PRKCE: variants seen among roughly 807,000 people sequenced by gnomAD.
PRKCE encodes protein kinase C epsilon.
PRKCE carries 16 observed loss-of-function variants against 85.4 expected under a neutral mutation model. The ratio of observed to expected loss-of-function variants is 0.19; its 90% CI spans 0.13 to 0.28. PRKCE has a LOEUF of 0.28. Among genes scored for constraint, PRKCE ranks in the 10% least tolerant of loss-of-function variants. PRKCE has a pLI of 1.00. For synonymous variants in PRKCE, 388 were observed against 371.5 expected (o/e 1.04, Z -0.51); for missense variants, 573 against 975.2 (o/e 0.59, Z 5.49).
chr2:46,034,983 G>A (rs1394774193), intron 10 of PRKCE, among the ~76,000 whole-genome samples: 1 of 152,166 alleles, frequency 6.6e-6, no homozygotes, highest in African/African-American at 2.4e-5. Flanking sequence ...TTCTGGGAAG[G>A]GGCTACAAAT....
At chr2:46,024,382 A>G (rs1190574051) in intron 10 of PRKCE, among the ~76,000 whole-genome samples, 1 of 146,412 alleles carries the variant, frequency 6.8e-6, no homozygotes, top group East Asian at 2.0e-4. Context: ...TTTTGTTTTT[A>G]CCATGACGTT....
intron 10 of PRKCE, among the ~76,000 whole-genome samples, chr2:46,019,947 T>C (rs1320326832): frequency 2.1e-5 from 3 of 146,234 alleles, no homozygotes; most frequent in Non-Finnish European, 1.5e-5. Flanking sequence ...CCTCCCAGGC[T>C]CAAGCAATTC....
chr2:45,930,132 G>T (rs1415748999), intron 2 of PRKCE, among the ~76,000 whole-genome samples: 1 of 152,216 alleles, frequency 6.6e-6, no homozygotes, highest in Non-Finnish European at 1.5e-5. Context: ...CCTCCATCCA[G>T]CTCAGTCACC....
In PRKCE at chr2:45,907,995, C is replaced by T. The variant is rs772877429; in HGVS notation, c.412+64932C>T. ...TTTCAAATCTCTGAAGTGGGGAGGG[C>T]GATTATCACCCCATTTTTGAGACGG... On this transcript the variant is annotated intron_variant, in intron 2 of 14. Coordinates refer to ENST00000306156, the MANE Select transcript of PRKCE (RefSeq NM_005400.3). The surrounding 1 kb of genome is among the most constrained non-coding windows in gnomAD (Gnocchi z 4.5). Among the ~76,000 whole-genome samples, 7 of 152,060 alleles carry T rather than the reference C, an allele frequency of 4.6e-5. No individual in the cohort carries two copies. The highest frequency in any genetic ancestry group is 8.8e-5 in the Non-Finnish European group (6 of 68,010).
In PRKCE at chr2:45,900,180, G is replaced by A. The variant is rs562214577; in HGVS notation, c.412+57117G>A. ...TGTTTGTTGCTAGTGCACATGTAAT[G>A]TGGTGCAGCCCCTGTGGAAAACGGC... On this transcript the variant is annotated intron_variant, in intron 2 of 14. Coordinates refer to ENST00000306156, the MANE Select transcript of PRKCE (RefSeq NM_005400.3). Among the ~76,000 whole-genome samples the A allele has an allele frequency of 4.6e-5, 7 of 152,330 alleles. No homozygotes were observed. The East Asian group carries it at 9.6e-4, about 21-fold the overall frequency.
At chr2:45,812,937 AG>A (rs1393311456) in intron 1 of PRKCE, among the ~76,000 whole-genome samples, 1 of 152,230 alleles carries the variant, frequency 6.6e-6, no homozygotes, top group Non-Finnish European at 1.5e-5. Context: ...AATTTTTTAA[AG>A]CTTTGACAGG....
At chr2:46,141,317 A>G (rs1464732489) in intron 11 of PRKCE, among the ~76,000 whole-genome samples, 1 of 152,254 alleles carries the variant, frequency 6.6e-6, no homozygotes, top group African/African-American at 2.4e-5. Context: ...CAAGACAGAA[A>G]GAGCTTCAAT....
intron 2 of PRKCE, among the ~76,000 whole-genome samples, chr2:45,867,454 C>G (rs1204027524): frequency 6.6e-6 from 1 of 152,184 alleles, no homozygotes; most frequent in South Asian, 2.1e-4. Flanking sequence ...ATGTTGGAGC[C>G]TCCTTCCCTG....
intron 1 of PRKCE, among the ~76,000 whole-genome samples, chr2:45,738,229 G>T (rs960353939): frequency 6.6e-6 from 1 of 152,020 alleles, no homozygotes; most frequent in Admixed American, 6.6e-5. Flanking sequence ...TATTTTTCAG[G>T]GTTTTCTCTT....
intron 2 of PRKCE, among the ~76,000 whole-genome samples, chr2:45,850,796 A>T (rs1028821180): frequency 3.3e-5 from 5 of 152,174 alleles, no homozygotes; most frequent in African/African-American, 1.2e-4. Context: ...GCCCAAGTGC[A>T]CACAGGTGAG....
intron 2 of PRKCE, among the ~76,000 whole-genome samples, chr2:45,896,257 G>A (rs911730616): frequency 6.6e-6 from 1 of 152,204 alleles, no homozygotes; most frequent in Non-Finnish European, 1.5e-5. Context: ...TAGAGGTTGG[G>A]TTCTTGCTAT....
intron 10 of PRKCE, among the ~76,000 whole-genome samples, chr2:46,025,432 C>T (rs547898239): frequency 6.6e-6 from 1 of 152,286 alleles, no homozygotes; most frequent in South Asian, 2.1e-4. Flanking sequence ...AAGACACAAT[C>T]CTTGTTCAAA....
intron 9 of PRKCE, among the ~76,000 whole-genome samples, chr2:46,009,264 C>T (rs988198091): frequency 1.1e-4 from 17 of 151,964 alleles, no homozygotes; most frequent in African/African-American, 4.1e-4. Flanking sequence ...AATAAAATAA[C>T]AGAAAATTAT....
intron 1 of PRKCE, among the ~76,000 whole-genome samples, chr2:45,782,688 C>T (rs1686284495): frequency 6.6e-6 from 1 of 152,080 alleles, no homozygotes; most frequent in East Asian, 1.9e-4. Context: ...TTCTTCCTCA[C>T]CAGCTAGAAA....
At chr2:45,695,342 G>A (rs1490438157) in intron 1 of PRKCE, among the ~76,000 whole-genome samples, 1 of 152,204 alleles carries the variant, frequency 6.6e-6, no homozygotes, top group Non-Finnish European at 1.5e-5. Flanking sequence ...TGGAGGTAGA[G>A]AGGTCAACTT....
At chr2:45,712,079 C>T (rs965627450) in intron 1 of PRKCE, among the ~76,000 whole-genome samples, 1 of 148,562 alleles carries the variant, frequency 6.7e-6, no homozygotes, top group Non-Finnish European at 1.5e-5. Flanking sequence ...TCCACACTGT[C>T]TGTGTGCCCT....
intron 1 of PRKCE, among the ~76,000 whole-genome samples, chr2:45,731,829 G>T (rs1252484489): frequency 6.6e-6 from 1 of 151,966 alleles, no homozygotes; most frequent in Admixed American, 6.6e-5. Context: ...TGTTACCCAG[G>T]CTGGTCTTGA....
At chr2:45,958,806 ATATATATATATTTTTTTTTTTTTT>A (rs1482674917) in intron 2 of PRKCE, among the ~76,000 whole-genome samples, 1 of 22,504 alleles carries the variant, frequency 4.4e-5, no homozygotes, top group Non-Finnish European at 7.6e-5. Flanking sequence ...ATATATATAT[ATATATATATATTTTTTTTTTTTTT>A]TTTTTTTTTT....
At chr2:45,754,705 G>A (rs1339977983) in intron 1 of PRKCE, among the ~76,000 whole-genome samples, 1 of 152,196 alleles carries the variant, frequency 6.6e-6, no homozygotes, top group African/African-American at 2.4e-5. Context: ...TTCTAATTTA[G>A]CTTCCCCATC....
Sources: gnomAD v4.1 joint callset for allele counts (sites outside exome capture counted in the v4.1 genomes callset) on GRCh38, gnomAD v4.1.1 for gene constraint, Gnocchi (gnomAD v3.1) non-coding constraint, MANE v1.5 for transcripts, NCBI Gene and HGNC (gene_info 2026-07-23, HGNC 2026-07-21) for gene names.